The following LHPP variants were observed in gnomAD, a reference collection of about 807,000 sequenced individuals.
LHPP encodes hLHPP.
In LHPP, 24 loss-of-function variants were observed where a neutral mutation model predicts 30.3. That is an observed-to-expected ratio of 0.79 (90% CI 0.57 to 1.11). The LOEUF is 1.11. LHPP is among the 50% of genes most tolerant of loss of function. The pLI is 0.00. For synonymous variants in LHPP, 150 were observed against 157.1 expected, an observed-to-expected ratio of 0.95 and a Z score of 0.34; for missense variants, 356 against 367.2, an observed-to-expected ratio of 0.97 and a Z score of 0.25.
chr10:124,606,856 A>G (rs1949101865), intron 6 of LHPP, among the ~76,000 whole-genome samples: 1 of 152,164 alleles, frequency 6.6e-6, no homozygotes, highest in African/African-American at 2.4e-5. Flanking sequence ...GGGCAGCCCC[A>G]GCCCTTCCCT....
At chr10:124,492,321 G>A (rs919931039) in intron 3 of LHPP, among the ~76,000 whole-genome samples, 5 of 152,168 alleles carry the variant, frequency 3.3e-5, no homozygotes, top group African/African-American at 9.7e-5. Context: ...TAAATAAAAT[G>A]TGTCCTGTAT....
At chr10:124,519,194 C>T (rs1299116116) in intron 6 of LHPP, among the ~76,000 whole-genome samples, 1 of 152,276 alleles carries the variant, frequency 6.6e-6, no homozygotes, top group South Asian at 2.1e-4. Context: ...GCGAACCACC[C>T]GCCTCTTCCT....
chr10:124,610,164 G>A (rs1408800052), intron 6 of LHPP, among the ~76,000 whole-genome samples: 3 of 152,216 alleles, frequency 2.0e-5, no homozygotes, highest in South Asian at 2.1e-4. Flanking sequence ...CAGCACTGAC[G>A]CAGGATCACG....
At chr10:124,601,925 C>G (rs1004863389) in intron 6 of LHPP, among the ~76,000 whole-genome samples, 1 of 152,192 alleles carries the variant, frequency 6.6e-6, no homozygotes, top group African/African-American at 2.4e-5. Context: ...CTACCAGGCC[C>G]TGCGTGCACT....
At chr10:124,578,038 G>A (rs962419343) in intron 6 of LHPP, among the ~76,000 whole-genome samples, 1 of 152,164 alleles carries the variant, frequency 6.6e-6, no homozygotes. Flanking sequence ...GTGCTAGAGT[G>A]GCCCCAGCCG....
In LHPP at chr10:124,517,930, G is replaced by A. The variant is rs1954500504; in HGVS notation, c.716+659G>A. 6.6e-6 allele frequency among the ~76,000 whole-genome samples: 1 copy of A among 152,214 alleles called. No individual in the cohort carries two copies. Among genetic ancestry groups the A allele is most frequent in the African/African-American group, 2.4e-5 (1 of 41,458 alleles). Reference sequence around the variant, plus strand: ...GTGTTGCCTTGCCTTATGCTAGATGGTTTCGATTGTGGCCATTCAGAGAAA... The same window carrying A: ...GTGTTGCCTTGCCTTATGCTAGATGATTTCGATTGTGGCCATTCAGAGAAA... On this transcript the variant is annotated intron_variant, in intron 6 of 6. Transcript: ENST00000368842. This position sits in a 1 kb window ranked among gnomAD's most constrained non-coding sequence, Gnocchi z 4.1.
chr10:124,577,042 C>G (rs188798020), intron 6 of LHPP, among the ~76,000 whole-genome samples: 1 of 152,220 alleles, frequency 6.6e-6, no homozygotes, highest in African/African-American at 2.4e-5. Flanking sequence ...GTCTACTGAG[C>G]GCATACTCAG....
chr10:124,597,614 T>C (rs1164720152), intron 6 of LHPP, among the ~76,000 whole-genome samples: 1 of 151,948 alleles, frequency 6.6e-6, no homozygotes, highest in African/African-American at 2.4e-5. Flanking sequence ...CCCCCCTGCT[T>C]TCTCCTGGGC....
At chr10:124,486,748 C>T (rs1953339407) in intron 2 of LHPP, among the ~76,000 whole-genome samples, 1 of 152,250 alleles carries the variant, frequency 6.6e-6, no homozygotes. Context: ...ACTGATACAG[C>T]TGGGCCAGGG....
intron 6 of LHPP, among the ~76,000 whole-genome samples, chr10:124,586,445 CA>C (rs1376950088): frequency 1.3e-5 from 2 of 152,164 alleles, no homozygotes; most frequent in African/African-American, 4.8e-5. Context: ...TGGTCAGTTA[CA>C]AATATGAGTG....
chr10:124,588,064 A>G (rs1220444507), intron 6 of LHPP, among the ~76,000 whole-genome samples: 1 of 152,236 alleles, frequency 6.6e-6, no homozygotes, highest in Non-Finnish European at 1.5e-5. Flanking sequence ...CTCTCCAGGC[A>G]GGCCACATTC....
chr10:124,473,871 C>G (rs779418505), intron 1 of LHPP, among the ~76,000 whole-genome samples: 66 of 152,140 alleles, frequency 4.3e-4, no homozygotes, highest in Middle Eastern at 3.2e-3. Flanking sequence ...TCACTTGAAC[C>G]TGGGAGGCGG....
At chr10:124,604,463 G>A (rs1337662707) in intron 6 of LHPP, among the ~76,000 whole-genome samples, 3 of 152,220 alleles carry the variant, frequency 2.0e-5, no homozygotes, top group Non-Finnish European at 4.4e-5. Context: ...TACCGGTGCA[G>A]ACCATCTGAT....
intron 1 of LHPP, among the ~76,000 whole-genome samples, chr10:124,463,110 C>T (rs1254950): frequency 0.34 from 52,215 of 152,154 alleles, 9,079 homozygotes; most frequent in East Asian, 0.42. Flanking sequence ...CTCAGGTGAT[C>T]CACCTGCCTC....
rs2133900828 is a variant in LHPP, at chr10:124,510,451, G to C, written c.625-6729G>C. The stretch of plus-strand genomic sequence containing the variant: ...CCTCCCTCGCCGACAGCTTCCCGGG[G>C]CTCTGCCTGGAGGCAGCCTCGCTTT... On this transcript the variant is annotated intron_variant, in intron 5 of 6. Coordinates refer to ENST00000368842, the MANE Select transcript of LHPP (RefSeq NM_022126.4). The surrounding 1 kb of genome is among the most constrained non-coding windows in gnomAD (Gnocchi z 4.0). Among the ~76,000 whole-genome samples the C allele has an allele frequency of 6.6e-6, 1 of 152,258 alleles. No homozygotes were observed. Among genetic ancestry groups the C allele is most frequent in the South Asian group, 2.1e-4 (1 of 4,828 alleles).
chr10:124,521,822 C>A (rs544744204), intron 6 of LHPP, among the ~76,000 whole-genome samples: 1 of 152,220 alleles, frequency 6.6e-6, no homozygotes, highest in Admixed American at 6.5e-5. Flanking sequence ...TGCCCTCAGC[C>A]AAGGTCTTCT....
At position 124,523,132 on chromosome 10, in the gene LHPP, G is replaced by A. The variant is rs1324483358; in HGVS notation, c.716+5861G>A. Among the ~76,000 whole-genome samples the A allele has an allele frequency of 6.6e-6, 1 of 152,246 alleles. No individual in the cohort carries two copies. The highest frequency in any genetic ancestry group is 1.5e-5 in the Non-Finnish European group (1 of 68,044). On this transcript the variant is annotated intron_variant, in intron 6 of 6. Coordinates refer to ENST00000368842, the MANE Select transcript of LHPP (RefSeq NM_022126.4). This position sits in a 1 kb window ranked among gnomAD's most constrained non-coding sequence, Gnocchi z 4.2. ...TGTGTAAATAAAGCCGCGATGCGGA[G>A]CTCGCCTCTGGTCTTCTCTTATTGT...
In LHPP at chr10:124,517,255, C is replaced by T. The variant is rs143345981; in HGVS notation, c.700C>T (p.Arg234Cys). Residue 234 changes from arginine (R) to cysteine (C), a missense_variant, in exon 6 of 7, where the codon CGC (arginine) becomes TGC (cysteine). Physicochemically the swap from Arg to Cys is radical, Grantham distance 180 (BLOSUM62 -3). Transcript: ENST00000368842. This position sits in a 1 kb window ranked among gnomAD's most constrained non-coding sequence, Gnocchi z 4.1. The part of the protein sequence containing the change: ...QRCGMRALQV[R>C]TGKFRPSDEH... The stretch of plus-strand genomic sequence containing the variant: ...GTGTGGAATGAGAGCGCTGCAGGTG[C>T]GCACCGGGAAGTTCAGGTCAGTGCC... 2.3e-5 allele frequency: 37 copies of T among 1,597,164 alleles called. No individual in the cohort carries two copies. Among genetic ancestry groups the T allele is most frequent in the Admixed American group, 5.2e-5 (3 of 57,430 alleles).
chr10:124,562,811 A>G (rs907175148), intron 6 of LHPP, among the ~76,000 whole-genome samples: 1 of 152,132 alleles, frequency 6.6e-6, no homozygotes, highest in African/African-American at 2.4e-5. Context: ...GCTCGCCTGT[A>G]ATTCCAGCTA....
Sources: gnomAD v4.1 joint callset for allele counts (sites outside exome capture counted in the v4.1 genomes callset) on GRCh38, gnomAD v4.1.1 for gene constraint, Gnocchi (gnomAD v3.1) non-coding constraint, MANE v1.5 for transcripts, NCBI Gene and HGNC (gene_info 2026-07-23, HGNC 2026-07-21) for gene names.